PC: variants seen among roughly 807,000 people sequenced by gnomAD.
PC encodes the protein pyruvate carboxylase.
In PC, 46 loss-of-function variants were observed where a neutral mutation model predicts 107.8. The observed-to-expected ratio is 0.43, with a 90% confidence interval of 0.34 to 0.55. PC has a LOEUF of 0.55. Among genes scored for constraint, PC ranks in the 20% least tolerant of loss-of-function variants. PC has a pLI of 0.04. For missense variants in PC, 1,241 were observed against 1,643.1 expected (o/e 0.76, Z 4.23); for synonymous variants, 662 against 684.7 (o/e 0.97, Z 0.52).
intron 3 of PC, among the ~76,000 whole-genome samples, chr11:66,922,073 C>T (rs1948609861): frequency 6.6e-6 from 1 of 152,158 alleles, no homozygotes; most frequent in Non-Finnish European, 1.5e-5. Flanking sequence ...CAACCAGCAC[C>T]TACAATCCCA....
At chr11:66,922,870 G>A (rs1948626622) in intron 3 of PC, among the ~76,000 whole-genome samples, 1 of 152,154 alleles carries the variant, frequency 6.6e-6, no homozygotes, top group African/African-American at 2.4e-5. Flanking sequence ...GCTAAAACAG[G>A]GGTCTCAGAC....
intron 3 of PC, among the ~76,000 whole-genome samples, chr11:66,899,450 G>A (rs1358090580): frequency 6.6e-6 from 1 of 152,072 alleles, no homozygotes; most frequent in Non-Finnish European, 1.5e-5. Context: ...GCAGTGGCAC[G>A]ACCATAGTTC....
At chr11:66,890,352 A>G (rs1177215986) in intron 3 of PC, among the ~76,000 whole-genome samples, 7 of 150,824 alleles carry the variant, frequency 4.6e-5, no homozygotes, top group Admixed American at 4.6e-4. Context: ...GTATTGTGTT[A>G]TAGCAGCCCA....
intron 3 of PC, among the ~76,000 whole-genome samples, chr11:66,948,928 A>G (rs1325990170): frequency 4.6e-5 from 7 of 152,134 alleles, no homozygotes; most frequent in Non-Finnish European, 1.0e-4. Flanking sequence ...TAGATTTACA[A>G]GAGTCATTTA....
intron 3 of PC, among the ~76,000 whole-genome samples, chr11:66,922,874 C>G (rs1430211172): frequency 1.3e-5 from 2 of 152,208 alleles, no homozygotes; most frequent in East Asian, 1.9e-4. Context: ...AAACAGGGGT[C>G]TCAGACAGGG....
At chr11:66,867,926 A>C (rs1043291034) in intron 10 of PC, among the ~76,000 whole-genome samples, 1 of 152,270 alleles carries the variant, frequency 6.6e-6, no homozygotes, top group Admixed American at 6.5e-5. Context: ...CTGGGGGCAG[A>C]ACTGGGGTCA....
chr11:66,937,402 ATTCT>A (rs990883566), intron 3 of PC, among the ~76,000 whole-genome samples: 1 of 152,136 alleles, frequency 6.6e-6, no homozygotes, highest in Non-Finnish European at 1.5e-5. Flanking sequence ...TGCTTTCAAG[ATTCT>A]TTGTCATTTG....
Position 66,870,218 on chromosome 11 carries a change from C to T in PC, c.903+84G>A. 1.3e-6 allele frequency: 2 copies of T among 1,553,558 alleles called. No homozygotes were observed. The highest frequency in any genetic ancestry group is 1.8e-6 in the Non-Finnish European group (2 of 1,136,500). Reference sequence around the variant, plus strand: ...GTCCCCAGAAGGGGACTCAGGGTCCCCTTCCCCAACCAGCGCCCCACTGTG... The same window carrying T: ...GTCCCCAGAAGGGGACTCAGGGTCCTCTTCCCCAACCAGCGCCCCACTGTG... On this transcript the variant is annotated intron_variant, in intron 9 of 22. Coordinates refer to ENST00000393960, the MANE Select transcript of PC (RefSeq NM_001040716.2). This position sits in a 1 kb window ranked among gnomAD's most constrained non-coding sequence, Gnocchi z 6.1.
Position 66,850,882 on chromosome 11 carries a change from C to G in PC, c.2265G>C (p.Leu755=). Residue 755 remains leucine, a synonymous_variant, in exon 18 of 23, where the codon CTG becomes CTC. Coordinates refer to ENST00000393960, the MANE Select transcript of PC (RefSeq NM_001040716.2). ...GLLKPTACTM[L]VSSLRDRFPD... ...GGAAGCGGTCCCGGAGGGAGCTGAC[C>G]AGCATGGTGCAGGCCGTGGGCTTCA... 6.2e-7 allele frequency: 1 copy of G among 1,610,952 alleles called. No individual in the cohort carries two copies.
At chr11:66,932,305 C>A (rs1019122077) in intron 3 of PC, among the ~76,000 whole-genome samples, 10 of 152,104 alleles carry the variant, frequency 6.6e-5, no homozygotes, top group African/African-American at 1.4e-4. Flanking sequence ...TCAACAGTAG[C>A]ATCTCTGAGG....
chr11:66,870,624 C>A lies in PC; in HGVS notation c.751+151G>T. The A allele has an allele frequency of 9.1e-7, 1 of 1,102,346 alleles. No homozygotes were observed. The highest frequency in any genetic ancestry group is 1.4e-6 in the Non-Finnish European group (1 of 733,660). The allele number at this position is 1,102,346 out of a possible 1,614,324, so 68.3% of individuals were successfully genotyped here. On this transcript the variant is annotated intron_variant, in intron 8 of 22. Transcript: ENST00000393960. The surrounding 1 kb of genome is among the most constrained non-coding windows in gnomAD (Gnocchi z 6.1). Reference sequence around the variant, plus strand: ...AGGCTGTGAGGACCAACTGCCAGCTCGGCCCCTAGAGCCCACTTTCCAGAG... The same window carrying A: ...AGGCTGTGAGGACCAACTGCCAGCTAGGCCCCTAGAGCCCACTTTCCAGAG...
At position 66,851,071 on chromosome 11, in the gene PC, A is replaced by G. The variant is rs1390388986; in HGVS notation, c.2192T>C (p.Val731Ala). 5 of 1,613,070 alleles carry G rather than the reference A, an allele frequency of 3.1e-6. No homozygotes were observed. Among genetic ancestry groups the G allele is most frequent in the Admixed American group, 3.3e-5 (2 of 60,008 alleles). The change falls in exon 17 of 23, where the codon GTG (valine) becomes GCG (alanine). Residue 731 changes from valine (V) to alanine (A), a missense_variant. Val to Ala is a moderately conservative substitution (Grantham distance 64, BLOSUM62 0). Transcript: ENST00000393960. ...QYYMGLAEEL[V>A]RAGTHILCIK... Reference sequence around the variant, plus strand: ...GCACAGGATGTGGGTGCCAGCTCGCACCAGCTCTTCGGCCAAGCCCATGTA... The same window carrying G: ...GCACAGGATGTGGGTGCCAGCTCGCGCCAGCTCTTCGGCCAAGCCCATGTA...
intron 3 of PC, among the ~76,000 whole-genome samples, chr11:66,916,908 C>T (rs957902123): frequency 6.6e-6 from 1 of 151,640 alleles, no homozygotes; most frequent in African/African-American, 2.4e-5. Flanking sequence ...GAGCCGAGAC[C>T]GTGCCACTGC....
chr11:66,861,486 T>C (rs1946254042), intron 12 of PC, among the ~76,000 whole-genome samples: 1 of 152,240 alleles, frequency 6.6e-6, no homozygotes, highest in African/African-American at 2.4e-5. Context: ...CACGTGTGCA[T>C]GGACCTGGCT....
intron 11 of PC, among the ~76,000 whole-genome samples, chr11:66,865,379 C>A (rs989630519): frequency 6.6e-6 from 1 of 152,262 alleles, no homozygotes; most frequent in African/African-American, 2.4e-5. Context: ...GGGGCTCAGG[C>A]CCCTGGATAG....
Position 66,871,189 on chromosome 11 carries a change from C to T in PC, c.496G>A (p.Val166Ile), listed in dbSNP as rs147697454. 1,316 of 1,613,058 alleles carry T rather than the reference C, an allele frequency of 8.2e-4. 2 individuals are homozygous for T. The highest frequency in any genetic ancestry group is 1.0e-3 in the Non-Finnish European group (1,182 of 1,179,278). Residue 166 changes from valine to isoleucine, a missense_variant, in exon 7 of 23, where the codon GTT becomes ATT. This residue lies in a region of PC where 1,143 missense variants were observed against 1,551.9 expected (regional missense o/e 0.74). Transcript: ENST00000393960. The surrounding 1 kb of genome is among the most constrained non-coding windows in gnomAD (Gnocchi z 7.4). Reference protein sequence around the residue: ...RAIAIAAGVPVVPGTDAPITS... With the variant: ...RAIAIAAGVPIVPGTDAPITS... ...ATGGGGGCATCTGTGCCAGGGACAA[C>T]GGGAACACCTGTTGGGAGAAAGGTG...
At position 66,943,713 on chromosome 11, in the gene PC, G is replaced by A. The variant is rs553766617; in HGVS notation, c.-1+8717C>T. ...GGAGCTTGTGGTGAGCAGAGATCGCGCCACTGCTCTCCAGCCTGGGCTATA... is the reference window on the plus strand; with the variant it reads ...GGAGCTTGTGGTGAGCAGAGATCGCACCACTGCTCTCCAGCCTGGGCTATA... On this transcript the variant is annotated intron_variant, in intron 3 of 22. Transcript: ENST00000393960. Among the ~76,000 whole-genome samples, 668 of 115,466 alleles carry A rather than the reference G, an allele frequency of 5.8e-3. 4 individuals are homozygous for A. Among genetic ancestry groups the A allele is most frequent in the Non-Finnish European group, 6.8e-3 (421 of 61,576 alleles). 75.8% of individuals were successfully genotyped at this position (115,466 alleles called of 152,430 possible).
intron 3 of PC, among the ~76,000 whole-genome samples, chr11:66,924,947 G>T (rs1948678226): frequency 6.6e-6 from 1 of 152,056 alleles, no homozygotes; most frequent in Non-Finnish European, 1.5e-5. Flanking sequence ...TTTAAAGCTG[G>T]GTGTCCAGGG....
intron 3 of PC, among the ~76,000 whole-genome samples, chr11:66,908,816 C>G (rs1290361707): frequency 6.6e-6 from 1 of 152,156 alleles, no homozygotes; most frequent in Non-Finnish European, 1.5e-5. Context: ...CCGATGTCCC[C>G]GAGAACACGC....
Sources: allele counts gnomAD v4.1 joint callset (sites outside exome capture counted in the v4.1 genomes callset), GRCh38; gene constraint gnomAD v4.1.1; regional missense constraint gnomAD v4.1.1; non-coding constraint Gnocchi (gnomAD v3.1); transcripts MANE v1.5; gene names NCBI Gene and HGNC (gene_info 2026-07-23, HGNC 2026-07-21).